OLAH: variants seen among roughly 807,000 people sequenced by gnomAD.
OLAH encodes oleoyl-ACP hydrolase.
OLAH carries 33 observed loss-of-function variants against 27.8 expected under a neutral mutation model. The ratio of observed to expected loss-of-function variants is 1.19; its 90% CI spans 0.90 to 1.59. The LOEUF (loss-of-function observed/expected upper bound fraction) is 1.59. Among genes scored for constraint, OLAH ranks in the 40% most tolerant of loss-of-function variants. The probability of loss-of-function intolerance (pLI) is 0.00; values close to 1 mark genes in which losing one functional copy is unlikely to be tolerated. For missense variants in OLAH, 359 were observed against 310.8 expected (o/e 1.16, Z -1.17); for synonymous variants, 120 against 102.9 (o/e 1.17, Z -1.01).
At chr10:15,056,064 G>C (rs1844239601) in intron 3 of OLAH, among the ~76,000 whole-genome samples, 1 of 151,948 alleles carries the variant, frequency 6.6e-6, no homozygotes, top group African/African-American at 2.4e-5. Flanking sequence ...TGGCTAGGCT[G>C]GTCTCAAACT....
chr10:15,051,842 C>T (rs886804179), intron 3 of OLAH, among the ~76,000 whole-genome samples: 3 of 152,138 alleles, frequency 2.0e-5, no homozygotes, highest in African/African-American at 4.8e-5. Context: ...TTTCTGTAAA[C>T]GGCCCAATAG....
chr10:15,061,849 T>C lies in OLAH; in HGVS notation c.289T>C (p.Phe97Leu), dbSNP rs138615083. Reference sequence around the variant, plus strand: ...AGTCATCCAGGATAAACCATTTGCATTTTTTGGCCACAGGTATTTGATATC... The same window carrying C: ...AGTCATCCAGGATAAACCATTTGCACTTTTTGGCCACAGGTATTTGATATC... ...QPVIQDKPFA[F>L]FGHSMGSYIA... The change falls in exon 4 of 8, where the codon TTT becomes CTT. Residue 97 changes from phenylalanine (F) to leucine (L), a missense_variant. By Grantham distance (22) the Phe-to-Leu change is conservative. Coordinates refer to ENST00000378228, the MANE Select transcript of OLAH (RefSeq NM_001039702.3). 317 of 1,611,914 alleles carry C rather than the reference T, an allele frequency of 2.0e-4. 1 individual carries two copies. The highest frequency in any genetic ancestry group is 3.5e-5 in the Non-Finnish European group (41 of 1,179,108).
chr10:15,071,874 G>A lies in OLAH; in HGVS notation c.652G>A (p.Glu218Lys). 1 of 1,606,960 alleles carries A rather than the reference G, an allele frequency of 6.2e-7. No homozygotes were observed. Among genetic ancestry groups the A allele is most frequent in the South Asian group, 1.1e-5 (1 of 90,734 alleles). ...VGSEDIAKDMEAWKDVTSGNA... is the reference protein window; with the variant it reads ...VGSEDIAKDMKAWKDVTSGNA... Reference sequence around the variant, plus strand: ...ATCTGAAGACATAGCAAAGGACATGGAAGGTGAAATTATTTTTAGTCTCGA... The same window carrying A: ...ATCTGAAGACATAGCAAAGGACATGAAAGGTGAAATTATTTTTAGTCTCGA... The change falls in exon 7 of 8, where the codon GAA becomes AAA. Residue 218 changes from glutamate to lysine, a missense_variant. Physicochemically the swap from Glu to Lys is moderately conservative, Grantham distance 56. Transcript: ENST00000378228.
At chr10:15,049,824 T>C in intron 3 of OLAH, 59 bp downstream of exon 3, 10 of 1,523,134 alleles carry the variant, frequency 6.6e-6, no homozygotes, top group Non-Finnish European at 8.8e-6. Flanking sequence ...ATAAATGTAT[T>C]AGAATTTGAA....
intron 3 of OLAH, among the ~76,000 whole-genome samples, chr10:15,054,288 G>A (rs1385597147): frequency 3.3e-5 from 5 of 152,164 alleles, no homozygotes; most frequent in South Asian, 2.1e-4. Context: ...TGATCCACCC[G>A]CCTTGGCCTC....
chr10:15,064,504 TA>T lies in OLAH; in HGVS notation c.402+4del. The T allele has an allele frequency of 6.4e-7, 1 of 1,552,124 alleles. No individual in the cohort carries two copies. On this transcript the variant is annotated splice_donor_region_variant and intron_variant, in intron 5 of 7. Transcript: ENST00000378228. ...TTGTCAAGTGCAACTCCTGTACATG[TA>T]AGTAATTTAGCTTTTTCCTAGGAAG...
intron 6 of OLAH, among the ~76,000 whole-genome samples, chr10:15,069,320 G>T (rs1844534130): frequency 6.6e-6 from 1 of 152,182 alleles, no homozygotes; most frequent in Non-Finnish European, 1.5e-5. Flanking sequence ...CCTTCCTCAG[G>T]GGTAGAGGGC....
chr10:15,052,454 G>A (rs1157972163), intron 3 of OLAH, among the ~76,000 whole-genome samples: 1 of 151,942 alleles, frequency 6.6e-6, no homozygotes, highest in Non-Finnish European at 1.5e-5. Flanking sequence ...AATTTTTTTT[G>A]TAGAGACAGA....
Position 15,064,441 on chromosome 10 carries a change from T to A in OLAH, c.341T>A (p.Leu114Gln). ...ATTGCTTTTAGGACTGCACTAGGTC[T>A]AAAAGAAAACAATCAACCAGAACCA... is the stretch of plus-strand genomic sequence containing the variant. ...SYIAFRTALG[L>Q]KENNQPEPLH... Residue 114 changes from leucine (L) to glutamine (Q), a missense_variant, in exon 5 of 8, where the codon CTA becomes CAA. By Grantham distance (113) the Leu-to-Gln change is moderately radical. Coordinates refer to ENST00000378228, the MANE Select transcript of OLAH (RefSeq NM_001039702.3). 1.2e-6 allele frequency: 2 copies of A among 1,602,244 alleles called. No homozygotes were observed. The highest frequency in any genetic ancestry group is 1.7e-6 in the Non-Finnish European group (2 of 1,175,814).
intron 2 of OLAH, among the ~76,000 whole-genome samples, chr10:15,048,305 C>A (rs56887805): frequency 0.1 from 15,203 of 152,176 alleles, 1,058 homozygotes; most frequent in African/African-American, 0.17. Context: ...GCAACCCCCC[C>A]CTCCTGGGTT....
chr10:15,046,324 A>ATAAATAAATAAG (rs1386170227), intron 1 of OLAH, among the ~76,000 whole-genome samples: 2 of 10,686 alleles, frequency 1.9e-4, no homozygotes, highest in African/African-American at 1.6e-3. Context: ...TCAAAAAAAT[A>ATAAATAAATAAG]TAAATAAATA....
chr10:15,059,596 A>G (rs1272656146), intron 3 of OLAH, among the ~76,000 whole-genome samples: 1 of 151,792 alleles, frequency 6.6e-6, no homozygotes, highest in Non-Finnish European at 1.5e-5. Flanking sequence ...ACTTGAGGTC[A>G]GGAGTTTGAG....
At chr10:15,053,482 C>T (rs11259452) in intron 3 of OLAH, among the ~76,000 whole-genome samples, 9,501 of 152,216 alleles carry the variant, frequency 0.062, 559 homozygotes, top group African/African-American at 0.15. Context: ...GCATACAACT[C>T]CAGTAAACAC....
At chr10:15,037,475 G>T (rs1843858613) in intron 1 of OLAH, among the ~76,000 whole-genome samples, 2 of 152,048 alleles carry the variant, frequency 1.3e-5, no homozygotes, top group Admixed American at 6.6e-5. Context: ...CAGCTACTCA[G>T]CAGGCTAAGG....
intron 7 of OLAH, among the ~76,000 whole-genome samples, chr10:15,072,417 T>C (rs538938520): frequency 6.6e-6 from 1 of 152,222 alleles, no homozygotes; most frequent in Non-Finnish European, 1.5e-5. Context: ...TGTATACTGA[T>C]AGGTCTCAAA....
At chr10:15,035,650 A>G (rs1186661962) in intron 1 of OLAH, among the ~76,000 whole-genome samples, 6 of 151,964 alleles carry the variant, frequency 3.9e-5, no homozygotes, top group Non-Finnish European at 7.4e-5. Context: ...TACCCAAACT[A>G]TATCAAGCGC....
At chr10:15,041,023 C>T (rs1463572462), upstream of OLAH, among the ~76,000 whole-genome samples, 1 of 152,220 alleles carries the variant, frequency 6.6e-6, no homozygotes, top group African/African-American at 2.4e-5. Context: ...TAAGGCTTCT[C>T]TCTTGAAGAC....
In OLAH at chr10:15,060,921, T is replaced by C. The variant is rs374855403; in HGVS notation, c.164-803T>C. Among the ~76,000 whole-genome samples the C allele has an allele frequency of 6.4e-4, 97 of 152,332 alleles. 1 individual carries two copies. The South Asian group carries it at 0.019, about 29-fold the overall frequency. On this transcript the variant is annotated intron_variant, in intron 3 of 7. Coordinates refer to ENST00000378228, the MANE Select transcript of OLAH (RefSeq NM_001039702.3). Reference sequence around the variant, plus strand: ...TGCTCTAGCAAGCAAGCCAATAAGTTATTTGGGATCAGCTTGATGTTTGAT... The same window carrying C: ...TGCTCTAGCAAGCAAGCCAATAAGTCATTTGGGATCAGCTTGATGTTTGAT...
intron 6 of OLAH, among the ~76,000 whole-genome samples, chr10:15,069,519 C>T (rs2131379187): frequency 6.6e-6 from 1 of 152,270 alleles, no homozygotes; most frequent in South Asian, 2.1e-4. Flanking sequence ...GTCTCTCTAG[C>T]CTCTCGCCTC....
Sources: allele counts gnomAD v4.1 joint callset (sites outside exome capture counted in the v4.1 genomes callset), GRCh38; gene constraint gnomAD v4.1.1; transcripts MANE v1.5; gene names NCBI Gene and HGNC (gene_info 2026-07-23, HGNC 2026-07-21).